ADAMTS7: variants seen among roughly 807,000 people sequenced by gnomAD.
ADAMTS7 encodes ADAM metallopeptidase with thrombospondin type 1 motif 7.
In ADAMTS7, 89 loss-of-function variants were observed where a neutral mutation model predicts 172.6. The ratio of observed to expected loss-of-function variants is 0.52; its 90% CI spans 0.43 to 0.61. The LOEUF (loss-of-function observed/expected upper bound fraction) is 0.61. ADAMTS7 is among the 20% of genes least tolerant of loss of function. ADAMTS7 has a pLI of 0.00. For synonymous variants in ADAMTS7, 885 were observed against 978.4 expected (o/e 0.90, Z 1.78); for missense variants, 1,973 against 2,355.6 (o/e 0.84, Z 3.36).
At chr15:78,787,241 T>C (rs1349660650) in intron 8 of ADAMTS7, among the ~76,000 whole-genome samples, 1 of 151,836 alleles carries the variant, frequency 6.6e-6, no homozygotes, top group Non-Finnish European at 1.5e-5. Context: ...ATACTCATAT[T>C]TGCATTTAAA....
At chr15:78,782,679 A>C (rs1359866561) in intron 8 of ADAMTS7, among the ~76,000 whole-genome samples, 2 of 152,092 alleles carry the variant, frequency 1.3e-5, no homozygotes, top group African/African-American at 4.8e-5. Context: ...AGAGTGATAA[A>C]AGCTGAGAGC....
rs574935773 is a variant in ADAMTS7, at chr15:78,766,143, G to T, written c.3768C>A (p.Asp1256Glu). The T allele has an allele frequency of 2.5e-6, 4 of 1,611,356 alleles. No individual in the cohort carries two copies. ...VGSTHSSPSPDVAELWTGGTV... is the reference protein window; with the variant it reads ...VGSTHSSPSPEVAELWTGGTV... ...TGCCTCCTGTCCACAGCTCCGCCAC[G>T]TCAGGACTAGGAGAGGAGTGGGTGC... The change falls in exon 19 of 24, where the codon GAC becomes GAA. Residue 1256 changes from aspartate (D) to glutamate (E), a missense_variant. Around this residue, in one of 8 missense-constraint regions of ADAMTS7, gnomAD observed 771 missense variants for 952.6 expected, o/e 0.81. Transcript: ENST00000388820.
chr15:78,777,508 T>C lies in ADAMTS7; in HGVS notation c.1403A>G (p.Tyr468Cys). The C allele has an allele frequency of 6.2e-7, 1 of 1,612,208 alleles. No individual in the cohort carries two copies. Among genetic ancestry groups the C allele is most frequent in the Non-Finnish European group, 8.5e-7 (1 of 1,179,292 alleles). ...DFPSVPPGVL[Y>C]DVSHQCRLQY... ...GAGGCGGCACTGGTGGCTTACATCA[T>C]AGAGGACGCCAGGTGGCACCGAGGG... Residue 468 changes from tyrosine to cysteine, a missense_variant, in exon 9 of 24, where the codon TAT (tyrosine) becomes TGT (cysteine). Physicochemically the swap from Tyr to Cys is radical, Grantham distance 194. Around this residue, in one of 8 missense-constraint regions of ADAMTS7, gnomAD observed 526 missense variants for 662.9 expected, o/e 0.79. Coordinates refer to ENST00000388820, the MANE Select transcript of ADAMTS7 (RefSeq NM_014272.5).
intron 8 of ADAMTS7, among the ~76,000 whole-genome samples, chr15:78,783,705 A>G (rs983056174): frequency 1.3e-5 from 2 of 152,238 alleles, no homozygotes; most frequent in African/African-American, 4.8e-5. Flanking sequence ...AAGAGAACAT[A>G]CTGTACCCAT....
chr15:78,764,512 C>G (rs1441382246), intron 20 of ADAMTS7, 43 bp downstream of exon 20: 1 of 1,521,272 alleles, frequency 6.6e-7, no homozygotes, highest in East Asian at 2.5e-5. Flanking sequence ...AGGGCTCCAC[C>G]CCATGCCCTG....
At chr15:78,795,656 C>T (rs1463862369) in intron 4 of ADAMTS7, among the ~76,000 whole-genome samples, 1 of 152,178 alleles carries the variant, frequency 6.6e-6, no homozygotes, top group Non-Finnish European at 1.5e-5. Context: ...GTTCACAGCA[C>T]ACGCACTTAC....
At position 78,800,399 on chromosome 15, in the gene ADAMTS7, C is replaced by T; in HGVS notation, c.249G>A (p.Glu83=). ...GCAGCTCGCGCCCGCGGTATTGTAGCTCGTAGAAGGCGGGCGCGTCTCGGC... is the reference window on the plus strand; with the variant it reads ...GCAGCTCGCGCCCGCGGTATTGTAGTTCGTAGAAGGCGGGCGCGTCTCGGC... ...SVRRDAPAFY[E]LQYRGRELRF... The change falls in exon 2 of 24, where the codon GAG becomes GAA. Residue 83 remains glutamate, a synonymous_variant. Transcript: ENST00000388820. 2.5e-6 allele frequency: 4 copies of T among 1,608,868 alleles called. No individual in the cohort carries two copies. Among genetic ancestry groups the T allele is most frequent in the Non-Finnish European group, 2.5e-6 (3 of 1,177,996 alleles).
At chr15:78,782,380 A>AC (rs2055440072) in intron 8 of ADAMTS7, among the ~76,000 whole-genome samples, 2 of 65,748 alleles carry the variant, frequency 3.0e-5, no homozygotes, top group Non-Finnish European at 5.7e-5. Flanking sequence ...TTCCAATCCC[A>AC]CCCCCCACCC....
In ADAMTS7 at chr15:78,771,166, G is replaced by C; in HGVS notation, c.2514C>G (p.Gly838=). The C allele has an allele frequency of 2.5e-6, 4 of 1,607,178 alleles. No individual in the cohort carries two copies. The highest frequency in any genetic ancestry group is 3.4e-6 in the Non-Finnish European group (4 of 1,177,262). Reference sequence around the variant, plus strand: ...TGTGCCTGCCCCACTTCTCACCTCTGCCGCAGGTGACTGTGCACTTGGTCC... The same window carrying C: ...TGTGCCTGCCCCACTTCTCACCTCTCCCGCAGGTGACTGTGCACTTGGTCC... The part of the protein sequence containing the change: ...GPWTKCTVTC[G]RGVQRQNVYC... Residue 838 remains glycine, a synonymous_variant, in exon 16 of 24, where the codon GGC becomes GGG. Transcript: ENST00000388820. The surrounding 1 kb of genome is among the most constrained non-coding windows in gnomAD (Gnocchi z 4.9).
rs750128218 is a variant in ADAMTS7, at chr15:78,798,089, C to G, written c.481G>C (p.Glu161Gln). The G allele has an allele frequency of 1.3e-6, 2 of 1,559,588 alleles. No homozygotes were observed. Among genetic ancestry groups the G allele is most frequent in the Admixed American group, 2.2e-5 (1 of 46,134 alleles). Residue 161 changes from glutamate (E) to glutamine (Q), a missense_variant, in exon 3 of 24, where the codon GAG (glutamate) becomes CAG (glutamine). Glu to Gln is a conservative substitution (Grantham distance 29). Transcript: ENST00000388820. ...GLKGVFQLSN[E>Q]DYFIEPLDSA... Reference sequence around the variant, plus strand: ...TCCAGGGGCTCAATGAAGTAGTCCTCGTTGGAGAGCTGGAACACACCTTTC... The same window carrying G: ...TCCAGGGGCTCAATGAAGTAGTCCTGGTTGGAGAGCTGGAACACACCTTTC...
At chr15:78,767,793 G>A (rs969596508) in intron 17 of ADAMTS7, among the ~76,000 whole-genome samples, 6 of 151,888 alleles carry the variant, frequency 4.0e-5, no homozygotes, top group Admixed American at 6.6e-5. Flanking sequence ...CAGCCCCTCC[G>A]CTCCTGCCAG....
At chr15:78,790,032 T>A (rs1334410264) in intron 6 of ADAMTS7, among the ~76,000 whole-genome samples, 194 bp from the exon 7 acceptor site, 1 of 152,228 alleles carries the variant, frequency 6.6e-6, no homozygotes, top group Non-Finnish European at 1.5e-5. Context: ...CGGCTGGGCA[T>A]CTCTTTGGCC....
chr15:78,765,998 C>T lies in ADAMTS7; in HGVS notation c.3913G>A (p.Val1305Ile), dbSNP rs767903618. Reference protein sequence around the residue: ...PPIAPLPEMKVRDSSLEPGTP... With the variant: ...PPIAPLPEMKIRDSSLEPGTP... ...CCCGGCTCCAGGGAACTGTCCCTGACCTTCATCTCTGGCAGAGGGGCTATG... is the reference window on the plus strand; with the variant it reads ...CCCGGCTCCAGGGAACTGTCCCTGATCTTCATCTCTGGCAGAGGGGCTATG... The change falls in exon 19 of 24, where the codon GTC becomes ATC. Residue 1305 changes from valine to isoleucine, a missense_variant. By Grantham distance (29) the Val-to-Ile change is conservative (BLOSUM62 3). This residue lies in a region of ADAMTS7 where 771 missense variants were observed against 952.6 expected (regional missense o/e 0.81). Transcript: ENST00000388820. 1.6e-5 allele frequency: 25 copies of T among 1,600,088 alleles called. No individual in the cohort carries two copies. The South Asian group carries it at 2.4e-4, about 16-fold the overall frequency.
rs1346768394 is a variant in ADAMTS7 at position 78,800,291 on chromosome 15, C to T, written c.357G>A (p.Ala119=). ...ETRRRGGLGR[A]HIRAHTPACH... ...AGGCCGGGGTGTGGGCCCGGATGTG[C>T]GCGCGGCCCAGGCCGCCGCGCCGCC... The change falls in exon 2 of 24, where the codon GCG becomes GCA. Residue 119 remains alanine (A), a synonymous_variant. Transcript: ENST00000388820. 6.3e-7 allele frequency: 1 copy of T among 1,591,132 alleles called. No homozygotes were observed. Among genetic ancestry groups the T allele is most frequent in the South Asian group, 1.1e-5 (1 of 90,016 alleles).
In ADAMTS7 at chr15:78,771,617, G is replaced by A. The variant is rs2055250744; in HGVS notation, c.2344C>T (p.Pro782Ser). 1 of 1,601,274 alleles carries A rather than the reference G, an allele frequency of 6.2e-7. No homozygotes were observed. Among genetic ancestry groups the A allele is most frequent in the Non-Finnish European group, 8.5e-7 (1 of 1,179,380 alleles). ...RRGNWENLTS[P>S]GPTKEPVWIQ... ...CAGACAGGCTCCTTGGTGGGACCCG[G>A]GGACGTGAGGTTCTCCCAGTTGCCC... Residue 782 changes from proline (P) to serine (S), a missense_variant, in exon 15 of 24, where the codon CCG becomes TCG. Physicochemically the swap from Pro to Ser is moderately conservative, Grantham distance 74. Transcript: ENST00000388820. This position sits in a 1 kb window ranked among gnomAD's most constrained non-coding sequence, Gnocchi z 4.9.
At position 78,788,241 on chromosome 15, in the gene ADAMTS7, T is replaced by C. The variant is rs1390211415; in HGVS notation, c.1312A>G (p.Arg438Gly). The C allele has an allele frequency of 1.9e-6, 3 of 1,613,508 alleles. No homozygotes were observed. Among genetic ancestry groups the C allele is most frequent in the Non-Finnish European group, 2.5e-6 (3 of 1,179,990 alleles). Residue 438 changes from arginine (R) to glycine (G), a missense_variant, in exon 8 of 24, where the codon AGG becomes GGG. Physicochemically the swap from Arg to Gly is moderately radical, Grantham distance 125 (BLOSUM62 -2). Coordinates refer to ENST00000388820, the MANE Select transcript of ADAMTS7 (RefSeq NM_014272.5). ...WSRCSRQYIT[R>G]FLDRGWGLCL... ...GGCTGGGGGACTTACTCAAGGAACC[T>C]GGTGATATACTGGCGGCTGCAGCGG... is the stretch of plus-strand genomic sequence containing the variant.
chr15:78,768,233 A>C lies in ADAMTS7; in HGVS notation c.2545T>G (p.Leu849Val). The C allele has an allele frequency of 6.2e-7, 1 of 1,610,872 alleles. No homozygotes were observed. The highest frequency in any genetic ancestry group is 1.1e-5 in the South Asian group (1 of 90,940). ...RGVQRQNVYC[L>V]ERQAGPVDEE... ...TCCACGGGCCCTGCCTGCCGCTCCAAGCAGTACACATTCTGCCTCTGCACA... is the reference window on the plus strand; with the variant it reads ...TCCACGGGCCCTGCCTGCCGCTCCACGCAGTACACATTCTGCCTCTGCACA... Residue 849 changes from leucine (L) to valine (V), a missense_variant, in exon 17 of 24, where the codon TTG becomes GTG. Coordinates refer to ENST00000388820, the MANE Select transcript of ADAMTS7 (RefSeq NM_014272.5).
Position 78,800,417 on chromosome 15 carries a change from G to C in ADAMTS7, c.231C>G (p.Asp77Glu), listed in dbSNP as rs779232396. Residue 77 changes from aspartate to glutamate, a missense_variant, in exon 2 of 24, where the codon GAC (aspartate) becomes GAG (glutamate). Asp to Glu is a conservative substitution (Grantham distance 45). Coordinates refer to ENST00000388820, the MANE Select transcript of ADAMTS7 (RefSeq NM_014272.5). ...LRKRDVSVRR[D>E]APAFYELQYR... ...ATTGTAGCTCGTAGAAGGCGGGCGC[G>C]TCTCGGCGCACAGATACATCCCGCT... 1 of 1,609,434 alleles carries C rather than the reference G, an allele frequency of 6.2e-7. No homozygotes were observed. The highest frequency in any genetic ancestry group is 1.7e-5 in the Admixed American group (1 of 59,756).
chr15:78,784,408 G>C (rs1171979810), intron 8 of ADAMTS7, among the ~76,000 whole-genome samples: 1 of 99,626 alleles, frequency 1.0e-5, no homozygotes, highest in African/African-American at 3.7e-5. Context: ...GAGGAAGAGG[G>C]GGGAGGGAGG....
Sources: allele counts gnomAD v4.1 joint callset (sites outside exome capture counted in the v4.1 genomes callset), GRCh38; gene constraint gnomAD v4.1.1; regional missense constraint gnomAD v4.1.1; non-coding constraint Gnocchi (gnomAD v3.1); transcripts MANE v1.5; gene names NCBI Gene and HGNC (gene_info 2026-07-23, HGNC 2026-07-21).